The following GSE1 variants were observed in gnomAD, a reference collection of about 807,000 sequenced individuals.
GSE1 encodes genetic suppressor element 1.
GSE1 carries 32 observed loss-of-function variants against 112.6 expected under a neutral mutation model. The ratio of observed to expected loss-of-function variants is 0.28; its 90% CI spans 0.21 to 0.38. GSE1 has a LOEUF of 0.38. GSE1 is among the 10% of genes least tolerant of loss of function. The probability of loss-of-function intolerance (pLI) is 1.00; values close to 1 mark genes in which losing one functional copy is unlikely to be tolerated. For synonymous variants in GSE1, 1,115 were observed against 735.6 expected (o/e 1.52, Z -8.35); for missense variants, 2,348 against 1,699.2 (o/e 1.38, Z -6.71).
At chr16:85,459,695 C>T (rs1400029458) in intron 2 of GSE1, among the ~76,000 whole-genome samples, 1 of 152,230 alleles carries the variant, frequency 6.6e-6, no homozygotes, top group Non-Finnish European at 1.5e-5. Context: ...TGAACCCAGT[C>T]TGCCCACCCT....
chr16:85,455,034 C>T (rs2049788570), intron 2 of GSE1, among the ~76,000 whole-genome samples: 1 of 152,234 alleles, frequency 6.6e-6, no homozygotes, highest in Non-Finnish European at 1.5e-5. Context: ...CTGTTTCCTC[C>T]TCCGTAAATG....
At chr16:85,642,905 C>T (rs1036114786) in intron 2 of GSE1, among the ~76,000 whole-genome samples, 1 of 152,140 alleles carries the variant, frequency 6.6e-6, no homozygotes, top group South Asian at 2.1e-4. Context: ...GGCCTGACCA[C>T]GGTGAGGCCA....
intron 2 of GSE1, among the ~76,000 whole-genome samples, chr16:85,422,312 G>T (rs1232712233): frequency 6.6e-6 from 1 of 152,200 alleles, no homozygotes; most frequent in Non-Finnish European, 1.5e-5. Context: ...CCCCGCACAG[G>T]CGAGGCTCCC....
upstream of GSE1, among the ~76,000 whole-genome samples, chr16:85,554,693 C>G (rs913828758): frequency 6.6e-6 from 1 of 151,230 alleles, no homozygotes; most frequent in African/African-American, 2.4e-5. Context: ...AAGGCGGCCC[C>G]GAGTCTCCGG....
Position 85,657,562 on chromosome 16 carries a change from C to A in GSE1, c.1598C>A (p.Pro533Gln). 1 of 1,571,456 alleles carries A rather than the reference C, an allele frequency of 6.4e-7. No homozygotes were observed. Among genetic ancestry groups the A allele is most frequent in the East Asian group, 2.3e-5 (1 of 43,920 alleles). Residue 533 changes from proline to glutamine, a missense_variant, in exon 8 of 16, where the codon CCG becomes CAG. By Grantham distance (76) the Pro-to-Gln change is moderately conservative. Coordinates refer to ENST00000253458, the MANE Select transcript of GSE1 (RefSeq NM_014615.5). ...CAGCACCTGGATATGGGCCGGCCCCCGGTGCCGGCGGAGGCAGAGCACAGG... is the reference window on the plus strand; with the variant it reads ...CAGCACCTGGATATGGGCCGGCCCCAGGTGCCGGCGGAGGCAGAGCACAGG... ...LEQHLDMGRP[P>Q]VPAEAEHRPE...
intron 2 of GSE1, among the ~76,000 whole-genome samples, chr16:85,493,873 A>G (rs1009652921): frequency 6.6e-6 from 1 of 150,490 alleles, no homozygotes; most frequent in Non-Finnish European, 1.5e-5. Context: ...TGAGCTCAGG[A>G]GTTCAAAACC....
In GSE1 at chr16:85,404,731, G is replaced by A. The variant is rs1219857994; in HGVS notation, c.2464+47088G>A. On this transcript the variant is annotated intron_variant, in intron 2 of 2. Transcript: ENST00000637419. Reference sequence around the variant, plus strand: ...CCTCACTGTTACACTCAGGCCCCCCGGATAATCCTCACCGTTACACTCAGG... The same window carrying A: ...CCTCACTGTTACACTCAGGCCCCCCAGATAATCCTCACCGTTACACTCAGG... Among the ~76,000 whole-genome samples the A allele has an allele frequency of 1.8e-3, 33 of 18,316 alleles. 3 individuals are homozygous for A. Among genetic ancestry groups the A allele is most frequent in the African/African-American group, 0.012 (27 of 2,316 alleles). 12.0% of individuals were successfully genotyped at this position (18,316 alleles called of 152,430 possible). A position where few individuals can be genotyped will look rare whatever the true frequency, so the allele number is the denominator to read the frequency against.
At chr16:85,327,459 TG>T (rs2046248952) in intron 1 of GSE1, among the ~76,000 whole-genome samples, 1 of 151,952 alleles carries the variant, frequency 6.6e-6, no homozygotes, top group South Asian at 2.1e-4. Flanking sequence ...AAAAATTAGC[TG>T]GGCATGGTGG....
At chr16:85,510,787 G>A (rs1289091636) in intron 2 of GSE1, among the ~76,000 whole-genome samples, 1 of 130,820 alleles carries the variant, frequency 7.6e-6, no homozygotes, top group Non-Finnish European at 1.6e-5. Flanking sequence ...CCTGCACCAT[G>A]TGCCCTACTC....
At chr16:85,492,419 C>T (rs1483336913) in intron 2 of GSE1, among the ~76,000 whole-genome samples, 3 of 152,178 alleles carry the variant, frequency 2.0e-5, no homozygotes, top group Non-Finnish European at 4.4e-5. Flanking sequence ...AATTCTTTCC[C>T]TGGAATTCCA....
intron 2 of GSE1, among the ~76,000 whole-genome samples, chr16:85,481,585 G>T (rs879293268): frequency 2.6e-5 from 4 of 152,206 alleles, no homozygotes; most frequent in African/African-American, 9.7e-5. Context: ...TCCTGTGTGT[G>T]TGCCATGGTT....
At chr16:85,605,335 T>C (rs762694556) in intron 1 of GSE1, among the ~76,000 whole-genome samples, 25 of 152,030 alleles carry the variant, frequency 1.6e-4, no homozygotes, top group Non-Finnish European at 3.4e-4. Context: ...CTAGGCCCAA[T>C]GTCCCAGGGC....
Position 85,327,117 on chromosome 16 carries a change from C to T in GSE1, c.2284-30346C>T, listed in dbSNP as rs534876662. On this transcript the variant is annotated intron_variant, in intron 1 of 2. Coordinates refer to the GSE1 transcript ENST00000637419. ...TGTTTCTTTCCATGGGAGCCTCTCCCTGGGCAACCTGGGCTTCCTCACAAC... is the reference window on the plus strand; with the variant it reads ...TGTTTCTTTCCATGGGAGCCTCTCCTTGGGCAACCTGGGCTTCCTCACAAC... 3.3e-5 allele frequency among the ~76,000 whole-genome samples: 5 copies of T among 152,354 alleles called. No homozygotes were observed. The South Asian group carries it at 1.0e-3, about 32-fold the overall frequency.
chr16:85,523,666 C>T (rs896813232), intron 2 of GSE1, among the ~76,000 whole-genome samples: 1 of 152,232 alleles, frequency 6.6e-6, no homozygotes, highest in African/African-American at 2.4e-5. Context: ...TCGTGCCTGC[C>T]TCCACCCCCA....
rs547619489 is a variant in GSE1 at position 85,221,985 on chromosome 16, G to A, written c.2283+50178G>A. Among the ~76,000 whole-genome samples the A allele has an allele frequency of 2.0e-5, 3 of 152,286 alleles. No individual in the cohort carries two copies. The East Asian group carries it at 5.8e-4, about 30-fold the overall frequency. ...CGGTGACCAGGTGGGCTGGCCTCAG[G>A]GAGGGCCGGGGAGGCCCACAGCAGC... On this transcript the variant is annotated intron_variant, in intron 1 of 2. Transcript: ENST00000637419.
rs74871940 is a variant in GSE1, at chr16:85,362,706, T to C, written c.2464+5063T>C. Among the ~76,000 whole-genome samples, 130 of 152,334 alleles carry C rather than the reference T, an allele frequency of 8.5e-4. No individual in the cohort carries two copies. The East Asian group carries it at 0.013, about 16-fold the overall frequency. ...CCATTCTTATTGTGGTCTCTGTGAA[T>C]GTGCTTTCTGCATGGCCATTGGGGC... On this transcript the variant is annotated intron_variant, in intron 2 of 2. Transcript: ENST00000637419.
At chr16:85,556,434 C>G in intron 1 of GSE1, 1 of 696,564 alleles carries the variant, frequency 1.4e-6, no homozygotes, top group Non-Finnish European at 1.8e-6. Context: ...TCACCCGACC[C>G]CCCTCCGCCA....
chr16:85,184,280 C>T (rs11149715), intron 1 of GSE1, among the ~76,000 whole-genome samples: 14,701 of 152,200 alleles, frequency 0.097, 1,016 homozygotes, highest in South Asian at 0.23. Flanking sequence ...GCCTGTGGCT[C>T]CCCAGTGACT....
intron 1 of GSE1, among the ~76,000 whole-genome samples, chr16:85,260,319 CTT>C (rs111292010): frequency 1.3e-4 from 12 of 94,860 alleles, no homozygotes; most frequent in Admixed American, 2.3e-4. Context: ...TTTTTCTTTT[CTT>C]TTTTTTTTTT....
Sources: allele counts gnomAD v4.1 joint callset (sites outside exome capture counted in the v4.1 genomes callset), GRCh38; gene constraint gnomAD v4.1.1; transcripts MANE v1.5; gene names NCBI Gene and HGNC (gene_info 2026-07-23, HGNC 2026-07-21).